Variants in BMPR1B observed in about 807,000 individuals in gnomAD.
The protein encoded by BMPR1B is bone morphogenetic protein receptor type 1B.
BMPR1B carries 12 observed loss-of-function variants against 59.1 expected under a neutral mutation model. That is an observed-to-expected ratio of 0.20 (90% CI 0.13 to 0.33). BMPR1B has a LOEUF of 0.33. Ranked by LOEUF, BMPR1B falls within the 10% of genes least tolerant of loss-of-function variation. The pLI, the probability that BMPR1B is intolerant of heterozygous loss-of-function variation, is 1.00. For missense variants in BMPR1B, 550 were observed against 610.9 expected (o/e 0.90, Z 1.05); for synonymous variants, 237 against 207.3 (o/e 1.14, Z -1.23).
At chr4:95,123,361 G>A (rs957161920) in intron 6 of BMPR1B, among the ~76,000 whole-genome samples, 2 of 152,044 alleles carry the variant, frequency 1.3e-5, no homozygotes, top group South Asian at 2.1e-4. Context: ...TATATACAAC[G>A]AGTTATGTTT....
intron 1 of BMPR1B, among the ~76,000 whole-genome samples, chr4:94,849,400 G>A (rs1725479556): frequency 6.6e-6 from 1 of 152,174 alleles, no homozygotes; most frequent in South Asian, 2.1e-4. Flanking sequence ...TTCAGTAGAG[G>A]TCAAGGCGGG....
chr4:94,939,242 A>T (rs925698253), intron 2 of BMPR1B, among the ~76,000 whole-genome samples: 1 of 152,194 alleles, frequency 6.6e-6, no homozygotes, highest in Non-Finnish European at 1.5e-5. Context: ...TTAAAAAAAA[A>T]GCTACACCTG....
chr4:95,072,817 A>G (rs929886389), intron 3 of BMPR1B, among the ~76,000 whole-genome samples: 2 of 151,772 alleles, frequency 1.3e-5, no homozygotes, highest in Admixed American at 6.5e-5. Context: ...TATTTCATTA[A>G]TCATTTTTAA....
chr4:94,979,411 T>C (rs547258370), intron 2 of BMPR1B, among the ~76,000 whole-genome samples: 3 of 152,328 alleles, frequency 2.0e-5, no homozygotes, highest in South Asian at 4.1e-4. Context: ...TCTAGTGAAC[T>C]TCTATAGTAT....
chr4:94,954,797 C>T (rs1406839389), intron 2 of BMPR1B, among the ~76,000 whole-genome samples: 2 of 152,052 alleles, frequency 1.3e-5, no homozygotes, highest in African/African-American at 4.8e-5. Context: ...TTATAAAGCA[C>T]TTAGAATAGT....
At chr4:94,858,325 A>G (rs1725850179) in intron 1 of BMPR1B, among the ~76,000 whole-genome samples, 1 of 152,194 alleles carries the variant, frequency 6.6e-6, no homozygotes, top group African/African-American at 2.4e-5. Context: ...ATTTTCCTCA[A>G]CAAGAATTTC....
At chr4:94,764,725 A>G (rs1258675839) in intron 1 of BMPR1B, among the ~76,000 whole-genome samples, 1 of 152,182 alleles carries the variant, frequency 6.6e-6, no homozygotes, top group Non-Finnish European at 1.5e-5. Flanking sequence ...ACTGTCAATC[A>G]GTTTATTGGA....
chr4:95,063,120 A>G (rs1346338996), intron 3 of BMPR1B, among the ~76,000 whole-genome samples: 2 of 152,254 alleles, frequency 1.3e-5, no homozygotes, highest in South Asian at 2.1e-4. Flanking sequence ...GAATCACCTT[A>G]TTATCCTCAA....
chr4:94,957,870 G>A (rs938065176), intron 2 of BMPR1B, among the ~76,000 whole-genome samples: 3 of 151,742 alleles, frequency 2.0e-5, no homozygotes, highest in South Asian at 2.1e-4. Context: ...GGTTGTATAC[G>A]GTGGGTTATC....
At chr4:94,765,676 C>T (rs949192836) in intron 1 of BMPR1B, among the ~76,000 whole-genome samples, 3 of 151,616 alleles carry the variant, frequency 2.0e-5, no homozygotes, top group East Asian at 1.9e-4. Flanking sequence ...GTTATTTCTA[C>T]TTTGTCACAT....
At chr4:94,852,137 A>G (rs1725592132) in intron 1 of BMPR1B, among the ~76,000 whole-genome samples, 1 of 152,182 alleles carries the variant, frequency 6.6e-6, no homozygotes, top group African/African-American at 2.4e-5. Flanking sequence ...AAATGAGTGT[A>G]GTTACTACAA....
intron 3 of BMPR1B, among the ~76,000 whole-genome samples, chr4:95,027,409 T>C (rs1237752144): frequency 6.6e-6 from 1 of 152,204 alleles, no homozygotes; most frequent in Non-Finnish European, 1.5e-5. Context: ...TATCAACATA[T>C]CCTGTTTACA....
intron 3 of BMPR1B, among the ~76,000 whole-genome samples, chr4:95,055,119 AGTG>A (rs1726816897): frequency 1.3e-5 from 2 of 152,148 alleles, no homozygotes; most frequent in African/African-American, 4.8e-5. Context: ...CCTCAAACCC[AGTG>A]ATCAAAACCA....
At chr4:95,069,895 TTCGTGACCAG>T (rs1428265795) in intron 3 of BMPR1B, among the ~76,000 whole-genome samples, 1 of 151,846 alleles carries the variant, frequency 6.6e-6, no homozygotes, top group Non-Finnish European at 1.5e-5. Flanking sequence ...AGGTTGGGAG[TTCGTGACCAG>T]CCTGACCAAC....
chr4:94,909,225 T>C (rs2149010006), intron 2 of BMPR1B, among the ~76,000 whole-genome samples: 1 of 152,180 alleles, frequency 6.6e-6, no homozygotes, highest in South Asian at 2.1e-4. Context: ...GGAATATAAT[T>C]ATGTCTGGGA....
chr4:94,935,323 C>T (rs1283112539), intron 2 of BMPR1B, among the ~76,000 whole-genome samples: 3 of 152,172 alleles, frequency 2.0e-5, no homozygotes, highest in Non-Finnish European at 2.9e-5. Context: ...ACCCCTATTA[C>T]GATTTCATAT....
Position 95,148,280 on chromosome 4 carries a change from G to A in BMPR1B, c.1077-468G>A, listed in dbSNP as rs539294659. On this transcript the variant is annotated intron_variant, in intron 10 of 12. Coordinates refer to ENST00000515059, the MANE Select transcript of BMPR1B (RefSeq NM_001203.3). The stretch of plus-strand genomic sequence containing the variant: ...TTTTAAGAGTAAAGTTTTTAAAATA[G>A]GAGGGGAAGGAAGAGGGTTTTTTTA... Among the ~76,000 whole-genome samples the A allele has an allele frequency of 4.4e-3, 671 of 152,242 alleles. 5 individuals are homozygous for A. Among genetic ancestry groups the A allele is most frequent in the African/African-American group, 0.015 (642 of 41,532 alleles).
chr4:95,152,543 A>G, intron 11 of BMPR1B, 100 bp from the exon 12 acceptor site: 1 of 1,098,506 alleles, frequency 9.1e-7, no homozygotes, highest in Non-Finnish European at 1.3e-6. Context: ...ACTTGTCTGT[A>G]ATACTGATAG....
intron 2 of BMPR1B, among the ~76,000 whole-genome samples, chr4:94,985,104 G>A (rs1445922705): frequency 6.6e-6 from 1 of 152,092 alleles, no homozygotes; most frequent in Non-Finnish European, 1.5e-5. Flanking sequence ...TGGGCAAAGG[G>A]GGAAATGAAT....
Sources: allele counts gnomAD v4.1 joint callset (sites outside exome capture counted in the v4.1 genomes callset), GRCh38; gene constraint gnomAD v4.1.1; transcripts MANE v1.5; gene names NCBI Gene and HGNC (gene_info 2026-07-23, HGNC 2026-07-21).